Variants in MDGA2 observed in about 807,000 individuals in gnomAD.
The protein encoded by MDGA2 is MAM domain-containing glycosylphosphatidylinositol anchor protein 2.
Under a neutral mutation model 117.8 loss-of-function variants are expected in MDGA2, and 40 were observed. That is an observed-to-expected ratio of 0.34 (90% CI 0.26 to 0.44). MDGA2 has a LOEUF of 0.44. Among genes scored for constraint, MDGA2 ranks in the 20% least tolerant of loss-of-function variants. The pLI, the probability that MDGA2 is intolerant of heterozygous loss-of-function variation, is 1.00. For synonymous variants in MDGA2, 452 were observed against 439.0 expected (o/e 1.03, Z -0.37); for missense variants, 1,123 against 1,250.6 (o/e 0.90, Z 1.54).
At chr14:47,272,719 A>G (rs998723970) in intron 2 of MDGA2, among the ~76,000 whole-genome samples, 1 of 152,178 alleles carries the variant, frequency 6.6e-6, no homozygotes, top group Non-Finnish European at 1.5e-5. Context: ...CACTTTAAAT[A>G]TTATTGGTAA....
chr14:46,947,637 C>T (rs898297271), intron 9 of MDGA2, among the ~76,000 whole-genome samples: 9 of 151,972 alleles, frequency 5.9e-5, no homozygotes, highest in Admixed American at 5.9e-4. Context: ...CACAAGCTCC[C>T]TCTCTCTCTT....
chr14:47,127,293 A>T (rs1881954509), intron 5 of MDGA2, among the ~76,000 whole-genome samples: 1 of 152,150 alleles, frequency 6.6e-6, no homozygotes, highest in Non-Finnish European at 1.5e-5. Flanking sequence ...TTCCACTATT[A>T]AAAGAGCAAT....
rs76082357 is a variant in MDGA2, at chr14:47,400,731, T to C, written c.281-99181A>G. ...AAACCCTTAGTGGTAAGGCTTTTTT[T>C]TTTTTCTTTTTCTTTTCTTTTCTTT... On this transcript the variant is annotated intron_variant, in intron 1 of 16. Coordinates refer to ENST00000399232, the MANE Select transcript of MDGA2 (RefSeq NM_001113498.3). Among the ~76,000 whole-genome samples the C allele has an allele frequency of 0.045, 6,376 of 143,172 alleles. 832 individuals are homozygous for C. The East Asian group carries it at 0.53, about 12-fold the overall frequency. The allele number at this position is 143,172 out of a possible 152,430, so 93.9% of individuals were successfully genotyped here.
intron 11 of MDGA2, among the ~76,000 whole-genome samples, chr14:46,878,035 A>G (rs2138378178): frequency 6.6e-6 from 1 of 152,080 alleles, no homozygotes; most frequent in East Asian, 1.9e-4. Flanking sequence ...TAGCTACATC[A>G]ATGCCTTTTT....
At chr14:47,166,514 C>T (rs2139299721) in intron 3 of MDGA2, among the ~76,000 whole-genome samples, 1 of 152,286 alleles carries the variant, frequency 6.6e-6, no homozygotes, top group South Asian at 2.1e-4. Context: ...ACAACATTGG[C>T]TCTCTCATCC....
intron 1 of MDGA2, among the ~76,000 whole-genome samples, chr14:47,452,674 G>A (rs1021917084): frequency 6.6e-6 from 1 of 151,980 alleles, no homozygotes; most frequent in African/African-American, 2.4e-5. Context: ...CAGAACTGTT[G>A]CTCCTTAGCA....
intron 10 of MDGA2, among the ~76,000 whole-genome samples, chr14:46,892,030 G>A (rs1882904069): frequency 6.6e-6 from 1 of 151,494 alleles, no homozygotes. Flanking sequence ...GCCTCTAATG[G>A]AAAACATCAA....
intron 8 of MDGA2, among the ~76,000 whole-genome samples, chr14:46,987,356 A>G (rs1886898153): frequency 6.6e-6 from 1 of 152,110 alleles, no homozygotes; most frequent in Non-Finnish European, 1.5e-5. Flanking sequence ...GCCAGAGCAT[A>G]ACTGAGAATT....
At chr14:47,206,747 G>T (rs1276257325) in intron 3 of MDGA2, among the ~76,000 whole-genome samples, 1 of 151,928 alleles carries the variant, frequency 6.6e-6, no homozygotes, top group African/African-American at 2.4e-5. Flanking sequence ...AAATTAGCCA[G>T]CCATGGCAGT....
At chr14:47,518,319 G>C (rs912392944) in intron 1 of MDGA2, among the ~76,000 whole-genome samples, 1 of 151,916 alleles carries the variant, frequency 6.6e-6, no homozygotes, top group Non-Finnish European at 1.5e-5. Context: ...AATAAGAAGA[G>C]AACAATAATG....
At chr14:47,592,033 T>A (rs947152694) in intron 1 of MDGA2, among the ~76,000 whole-genome samples, 1 of 151,944 alleles carries the variant, frequency 6.6e-6, no homozygotes, top group African/African-American at 2.4e-5. Context: ...GATAAGCAAC[T>A]TCAACAAAAT....
chr14:47,587,809 C>T (rs1174944707), intron 1 of MDGA2, among the ~76,000 whole-genome samples: 4 of 151,866 alleles, frequency 2.6e-5, no homozygotes, highest in Non-Finnish European at 5.9e-5. Flanking sequence ...TCCATTGCCA[C>T]AATCTAATTC....
At chr14:46,876,486 G>C (rs544695322) in intron 12 of MDGA2, among the ~76,000 whole-genome samples, 85 of 151,620 alleles carry the variant, frequency 5.6e-4, no homozygotes, top group Middle Eastern at 6.8e-3. Context: ...AAGTAATAAA[G>C]TCCAGGATTT....
intron 10 of MDGA2, among the ~76,000 whole-genome samples, chr14:46,918,550 C>T (rs1883989701): frequency 6.6e-6 from 1 of 152,050 alleles, no homozygotes; most frequent in African/African-American, 2.4e-5. Context: ...TTCGGTTTTG[C>T]TCAGATTTAC....
At chr14:47,190,714 A>T (rs546702021) in intron 3 of MDGA2, among the ~76,000 whole-genome samples, 1 of 152,326 alleles carries the variant, frequency 6.6e-6, no homozygotes, top group East Asian at 1.9e-4. Flanking sequence ...TCTTAATAAA[A>T]TGAGTTTTAT....
At chr14:46,853,126 A>G (rs1328472000) in intron 15 of MDGA2, among the ~76,000 whole-genome samples, 1 of 151,958 alleles carries the variant, frequency 6.6e-6, no homozygotes, top group African/African-American at 2.4e-5. Flanking sequence ...ATTTTTTAAA[A>G]GATTCAAATT....
chr14:46,910,779 G>A (rs1029407809), intron 10 of MDGA2, among the ~76,000 whole-genome samples: 6 of 152,140 alleles, frequency 3.9e-5, no homozygotes, highest in African/African-American at 9.7e-5. Context: ...TAAACAAAAC[G>A]TGGTACATAT....
At chr14:46,983,493 C>T (rs1886758712) in intron 8 of MDGA2, among the ~76,000 whole-genome samples, 1 of 152,070 alleles carries the variant, frequency 6.6e-6, no homozygotes, top group Admixed American at 6.6e-5. Flanking sequence ...TTTAAGTGTG[C>T]TTCCAGCAAA....
intron 1 of MDGA2, among the ~76,000 whole-genome samples, chr14:47,313,030 T>A (rs1889694412): frequency 6.6e-6 from 1 of 151,644 alleles, no homozygotes; most frequent in South Asian, 2.1e-4. Context: ...AAAAAGTAAC[T>A]AAGCATTATT....
Sources: allele counts gnomAD v4.1 joint callset (sites outside exome capture counted in the v4.1 genomes callset), GRCh38; gene constraint gnomAD v4.1.1; transcripts MANE v1.5; gene names NCBI Gene and HGNC (gene_info 2026-07-23, HGNC 2026-07-21).